The following BBS9 variants were observed in gnomAD, a reference collection of about 807,000 sequenced individuals.
The protein encoded by BBS9 is protein PTHB1.
Under a neutral mutation model 117.7 loss-of-function variants are expected in BBS9, and 89 were observed. That is an observed-to-expected ratio of 0.76 (90% CI 0.64 to 0.90). The LOEUF (loss-of-function observed/expected upper bound fraction) is 0.90. BBS9 is among the 40% of genes least tolerant of loss of function. The pLI is 0.00. For synonymous variants in BBS9, 379 were observed against 370.9 expected (o/e 1.02, Z -0.25); for missense variants, 982 against 1,042.2 (o/e 0.94, Z 0.80).
At chr7:33,284,226 T>G (rs1410385291) in intron 9 of BBS9, among the ~76,000 whole-genome samples, 2 of 152,196 alleles carry the variant, frequency 1.3e-5, no homozygotes, top group Non-Finnish European at 2.9e-5. Flanking sequence ...AGATATTTGG[T>G]AGGCTTCAAA....
chr7:33,216,163 G>T (rs1417927753), intron 5 of BBS9, among the ~76,000 whole-genome samples: 1 of 152,160 alleles, frequency 6.6e-6, no homozygotes, highest in African/African-American at 2.4e-5. Flanking sequence ...CTGTGTTCTT[G>T]TTAAATATAC....
rs144560934 is a variant in BBS9 at position 33,180,874 on chromosome 7, G to T, written c.442+3283G>T. On this transcript the variant is annotated intron_variant, in intron 5 of 22. Coordinates refer to ENST00000242067, the MANE Select transcript of BBS9 (RefSeq NM_198428.3). The stretch of plus-strand genomic sequence containing the variant: ...CAAATAAACCCAGGCTAGCAACCTG[G>T]GGAAAAGGATCCTCACATACCGTGG... Among the ~76,000 whole-genome samples, 278 of 151,838 alleles carry T rather than the reference G, an allele frequency of 1.8e-3. 1 individual carries two copies. Among genetic ancestry groups the T allele is most frequent in the African/African-American group, 6.3e-3 (263 of 41,494 alleles).
At chr7:33,499,926 T>C (rs1399868634) in intron 19 of BBS9, among the ~76,000 whole-genome samples, 1 of 152,190 alleles carries the variant, frequency 6.6e-6, no homozygotes. Flanking sequence ...TGAGATTTTA[T>C]AGAAAATAAA....
At chr7:33,486,604 A>T (rs182939284) in intron 19 of BBS9, among the ~76,000 whole-genome samples, 147 of 152,332 alleles carry the variant, frequency 9.6e-4, no homozygotes, top group African/African-American at 3.3e-3. Context: ...ATTTTAAGGT[A>T]TAGGTTTATT....
At chr7:33,613,615 C>G (rs966564025) in intron 21 of BBS9, among the ~76,000 whole-genome samples, 47 of 151,820 alleles carry the variant, frequency 3.1e-4, no homozygotes, top group African/African-American at 1.1e-3. Flanking sequence ...TGACAAAAAC[C>G]TCATTCGCTT....
chr7:33,303,522 T>TTCCCCCCCC (rs1806961766), intron 9 of BBS9, among the ~76,000 whole-genome samples: 1 of 77,030 alleles, frequency 1.3e-5, no homozygotes, highest in Non-Finnish European at 2.4e-5. Context: ...AATGATCCCC[T>TTCCCCCCCC]CCCCCCGCCC....
In BBS9 at chr7:33,370,428, C is replaced by G. The variant is rs36022776; in HGVS notation, c.1789+2566C>G. ...GAGGCTGCAGTGAGCTGAGATTGCA[C>G]TACTGCACTCCAACCTGCGCAACAG... On this transcript the variant is annotated intron_variant, in intron 17 of 22. Coordinates refer to ENST00000242067, the MANE Select transcript of BBS9 (RefSeq NM_198428.3). Among the ~76,000 whole-genome samples, 846 of 152,148 alleles carry G rather than the reference C, an allele frequency of 5.6e-3. 3 individuals are homozygous for G. The highest frequency in any genetic ancestry group is 8.8e-3 in the Non-Finnish European group (600 of 68,016).
intron 19 of BBS9, among the ~76,000 whole-genome samples, chr7:33,438,546 G>A (rs1002926482): frequency 5.9e-5 from 9 of 152,166 alleles, no homozygotes; most frequent in African/African-American, 2.2e-4. Flanking sequence ...ATTGAAAGAT[G>A]CTTAACCTTG....
At chr7:33,330,387 AT>A (rs1375437813) in intron 9 of BBS9, among the ~76,000 whole-genome samples, 1 of 152,140 alleles carries the variant, frequency 6.6e-6, no homozygotes, top group East Asian at 1.9e-4. Context: ...AAAATGTTGT[AT>A]TTTATATTGG....
chr7:33,376,208 A>C (rs2128731947), intron 17 of BBS9, among the ~76,000 whole-genome samples: 1 of 151,904 alleles, frequency 6.6e-6, no homozygotes, highest in South Asian at 2.1e-4. Flanking sequence ...GGTAGGCCCC[A>C]GTGTCTCTTG....
chr7:33,213,882 G>A (rs1285628059), intron 5 of BBS9, among the ~76,000 whole-genome samples: 5 of 151,758 alleles, frequency 3.3e-5, no homozygotes, highest in South Asian at 2.1e-4. Context: ...TTTACTCCTC[G>A]TTCTCTTCTC....
chr7:33,491,768 A>G (rs1843931594), intron 19 of BBS9, among the ~76,000 whole-genome samples: 1 of 152,376 alleles, frequency 6.6e-6, no homozygotes, highest in South Asian at 2.1e-4. Context: ...TAATGTAAGT[A>G]TTTTATATAC....
chr7:33,247,212 C>G (rs887014442), intron 5 of BBS9, among the ~76,000 whole-genome samples: 3 of 152,046 alleles, frequency 2.0e-5, no homozygotes, highest in African/African-American at 4.8e-5. Flanking sequence ...CCAGTAATAT[C>G]AATTACTTAA....
intron 5 of BBS9, among the ~76,000 whole-genome samples, chr7:33,192,637 T>C (rs1412302017): frequency 6.6e-6 from 1 of 152,208 alleles, no homozygotes; most frequent in Non-Finnish European, 1.5e-5. Flanking sequence ...CACGTAGTAG[T>C]GTCCTAGTCC....
intron 21 of BBS9, among the ~76,000 whole-genome samples, chr7:33,633,510 CTTT>C (rs894796851): frequency 3.0e-5 from 3 of 98,462 alleles, no homozygotes; most frequent in South Asian, 8.3e-4. Context: ...TAACTTTTTT[CTTT>C]TTTTTTTTTT....
intron 21 of BBS9, among the ~76,000 whole-genome samples, chr7:33,590,783 C>G (rs1019598998): frequency 2.0e-5 from 3 of 151,734 alleles, no homozygotes; most frequent in African/African-American, 7.3e-5. Flanking sequence ...ACCCTATGAA[C>G]TAGGTATAAT....
At chr7:33,489,663 G>A (rs185175491) in intron 19 of BBS9, among the ~76,000 whole-genome samples, 120 of 152,124 alleles carry the variant, frequency 7.9e-4, no homozygotes, top group African/African-American at 2.8e-3. Context: ...TAACTTTTCT[G>A]AAGATTGCTA....
At chr7:33,263,256 G>C (rs1798262562) in intron 6 of BBS9, among the ~76,000 whole-genome samples, 1 of 152,010 alleles carries the variant, frequency 6.6e-6, no homozygotes, top group South Asian at 2.1e-4. Context: ...TTTCAGAGTT[G>C]GTATATGACA....
At chr7:33,457,087 G>C (rs1157422721) in intron 19 of BBS9, among the ~76,000 whole-genome samples, 1 of 152,170 alleles carries the variant, frequency 6.6e-6, no homozygotes. Flanking sequence ...TTTAAAGCTA[G>C]TCCTTTGGGA....
Sources: gnomAD v4.1 joint callset for allele counts (sites outside exome capture counted in the v4.1 genomes callset) on GRCh38, gnomAD v4.1.1 for gene constraint, MANE v1.5 for transcripts, NCBI Gene and HGNC (gene_info 2026-07-23, HGNC 2026-07-21) for gene names.